MLXIP: variants seen among roughly 807,000 people sequenced by gnomAD.
MLXIP encodes the protein MLX-interacting protein.
MLXIP carries 30 observed loss-of-function variants against 87.2 expected under a neutral mutation model. The ratio of observed to expected loss-of-function variants is 0.34; its 90% confidence interval spans 0.26 to 0.47. MLXIP has a LOEUF of 0.47. MLXIP is among the 20% of genes least tolerant of loss of function. The probability of loss-of-function intolerance (pLI) is 1.00; values close to 1 mark genes in which losing one functional copy is unlikely to be tolerated. For synonymous variants in MLXIP, 530 were observed against 514.0 expected (o/e 1.03, Z -0.42); for missense variants, 1,002 against 1,240.1 (o/e 0.81, Z 2.88).
At chr12:122,119,328 G>A (rs1173189397) in intron 1 of MLXIP, among the ~76,000 whole-genome samples, 3 of 152,112 alleles carry the variant, frequency 2.0e-5, no homozygotes, top group Non-Finnish European at 4.4e-5. Context: ...TTACCACATA[G>A]AAATGTGTTA....
intron 1 of MLXIP, among the ~76,000 whole-genome samples, chr12:122,119,398 T>C (rs1037087124): frequency 6.7e-6 from 1 of 150,244 alleles, no homozygotes; most frequent in African/African-American, 2.5e-5. Context: ...TTGTTTTGTT[T>C]TGTTTTGTTT....
rs199709826 is a variant in MLXIP, at chr12:122,133,735, C to G, written c.1480C>G (p.His494Asp). Residue 494 changes from histidine (H) to aspartate (D), a missense_variant, in exon 9 of 17, where the codon CAC becomes GAC. His to Asp is a moderately conservative substitution (Grantham distance 81, BLOSUM62 -1). Coordinates refer to ENST00000319080, the MANE Select transcript of MLXIP (RefSeq NM_014938.6). This position sits in a 1 kb window ranked among gnomAD's most constrained non-coding sequence, Gnocchi z 4.9. ...ITHTASATLTHDAPATTFSQS... is the reference protein window; with the variant it reads ...ITHTASATLTDDAPATTFSQS... ...CCACACGGCCTCTGCCACCCTCACC[C>G]ACGATGCCCCCGCCACCACCTTTAG... 4.4e-5 allele frequency: 71 copies of G among 1,613,614 alleles called. No individual in the cohort carries two copies. The African/African-American group carries it at 9.2e-4, about 21-fold the overall frequency.
chr12:122,101,584 C>CTTTTTTTTTTTTT (rs371090324), intron 1 of MLXIP, among the ~76,000 whole-genome samples: 1 of 118,996 alleles, frequency 8.4e-6, no homozygotes, highest in African/African-American at 3.2e-5. Context: ...CTTTTTTTTT[C>CTTTTTTTTTTTTT]TTTTTTTTTT....
At chr12:122,117,483 A>G (rs1309509809) in intron 1 of MLXIP, among the ~76,000 whole-genome samples, 1 of 152,236 alleles carries the variant, frequency 6.6e-6, no homozygotes, top group African/African-American at 2.4e-5. Context: ...CTTTTGAAGC[A>G]AGTGAATTGG....
In MLXIP at chr12:122,137,945, G is replaced by A. The variant is rs1429003076; in HGVS notation, c.2155-249G>A. Among the ~76,000 whole-genome samples the A allele has an allele frequency of 6.6e-6, 1 of 152,216 alleles. No individual in the cohort carries two copies. The highest frequency in any genetic ancestry group is 1.5e-5 in the Non-Finnish European group (1 of 68,028). ...GGGGAAGGCGGAGCTTGCAGCACCTGGGATGCACCGGTTCAGCCCTGCCGT... is the reference window on the plus strand; with the variant it reads ...GGGGAAGGCGGAGCTTGCAGCACCTAGGATGCACCGGTTCAGCCCTGCCGT... On this transcript the variant is annotated intron_variant, in intron 12 of 16. Coordinates refer to ENST00000319080, the MANE Select transcript of MLXIP (RefSeq NM_014938.6). This position sits in a 1 kb window ranked among gnomAD's most constrained non-coding sequence, Gnocchi z 4.1.
rs372002063 is a variant in MLXIP, at chr12:122,135,327, G to T, written c.1836G>T (p.Ala612=). 3.5e-5 allele frequency: 56 copies of T among 1,613,444 alleles called. No homozygotes were observed. The highest frequency in any genetic ancestry group is 2.9e-4 in the African/African-American group (22 of 75,056). The change falls in exon 10 of 17, where the codon GCG becomes GCT. Residue 612 remains alanine (A), a synonymous_variant. Transcript: ENST00000319080. This position sits in a 1 kb window ranked among gnomAD's most constrained non-coding sequence, Gnocchi z 5.3. ...STVSQSNVVI[A]PAAIARAPGV... ...TGTCCCAGTCCAACGTGGTCATTGCGCCTGCTGCCATCGCCAGGGTGAGGA... is the reference window on the plus strand; with the variant it reads ...TGTCCCAGTCCAACGTGGTCATTGCTCCTGCTGCCATCGCCAGGGTGAGGA...
At chr12:122,096,876 C>G (rs1952360340) in intron 1 of MLXIP, among the ~76,000 whole-genome samples, 1 of 152,228 alleles carries the variant, frequency 6.6e-6, no homozygotes. Flanking sequence ...GTCCCCCCAG[C>G]TGGCGTGAGC....
At chr12:122,118,567 G>A (rs1289064566) in intron 1 of MLXIP, among the ~76,000 whole-genome samples, 1 of 152,158 alleles carries the variant, frequency 6.6e-6, no homozygotes, top group African/African-American at 2.4e-5. Flanking sequence ...GCCATACCAG[G>A]CCGGGCGCAG....
chr12:122,111,362 G>A (rs1204290171), intron 1 of MLXIP, among the ~76,000 whole-genome samples: 1 of 152,164 alleles, frequency 6.6e-6, no homozygotes, highest in Non-Finnish European at 1.5e-5. Context: ...AGAGAATGCT[G>A]TTCCTTGATT....
chr12:122,105,276 A>T (rs1410188835), intron 1 of MLXIP, among the ~76,000 whole-genome samples: 1 of 151,258 alleles, frequency 6.6e-6, no homozygotes, highest in Non-Finnish European at 1.5e-5. Flanking sequence ...TTTTTTCCTA[A>T]TGCCTCTCTC....
intron 1 of MLXIP, among the ~76,000 whole-genome samples, chr12:122,113,859 G>GTATTT (rs1184166113): frequency 6.6e-6 from 1 of 150,780 alleles, no homozygotes; most frequent in Non-Finnish European, 1.5e-5. Flanking sequence ...TAACTTTTTT[G>GTATTT]TATTTTTAGT....
intron 1 of MLXIP, among the ~76,000 whole-genome samples, chr12:122,097,922 T>C (rs1952380461): frequency 6.6e-6 from 1 of 152,022 alleles, no homozygotes; most frequent in Admixed American, 6.6e-5. Context: ...AGCTCAGCTC[T>C]GGCCTGGCCT....
Position 122,141,908 on chromosome 12 carries a change from C to G in MLXIP, c.*96C>G. The G allele has an allele frequency of 6.5e-7, 1 of 1,535,288 alleles. No individual in the cohort carries two copies. The highest frequency in any genetic ancestry group is 1.4e-5 in the African/African-American group (1 of 73,688). On this transcript the variant is annotated 3_prime_UTR_variant, in exon 17 of 17. Coordinates refer to ENST00000319080, the MANE Select transcript of MLXIP (RefSeq NM_014938.6). Reference sequence around the variant, plus strand: ...CCCCCAGCCCTTCCTGACGCTCAGCCTCGGGGCCTCTCTCCAACTCTGCCG... The same window carrying G: ...CCCCCAGCCCTTCCTGACGCTCAGCGTCGGGGCCTCTCTCCAACTCTGCCG...
chr12:122,112,141 A>G (rs1222785738), intron 1 of MLXIP, among the ~76,000 whole-genome samples: 1 of 152,196 alleles, frequency 6.6e-6, no homozygotes, highest in Non-Finnish European at 1.5e-5. Flanking sequence ...AGGATTGGAC[A>G]CAGGTCAGTG....
intron 5 of MLXIP, 153 bp downstream of exon 5, chr12:122,129,782 T>G: frequency 7.8e-7 from 1 of 1,284,252 alleles, no homozygotes; most frequent in Non-Finnish European, 1.1e-6. Context: ...CTCTCTCTCC[T>G]GGGTGGGCTG....
At chr12:122,110,594 C>T (rs987684944) in intron 1 of MLXIP, among the ~76,000 whole-genome samples, 2 of 151,556 alleles carry the variant, frequency 1.3e-5, no homozygotes, top group Non-Finnish European at 2.9e-5. Flanking sequence ...GCCTGGGAGA[C>T]GCTTATCTTT....
chr12:122,133,974 C>T lies in MLXIP; in HGVS notation c.1719C>T (p.Ala573=). The T allele has an allele frequency of 6.3e-7, 1 of 1,599,192 alleles. No homozygotes were observed. The highest frequency in any genetic ancestry group is 8.5e-7 in the Non-Finnish European group (1 of 1,172,008). The change falls in exon 9 of 17, where the codon GCC becomes GCT. Residue 573 remains alanine, a synonymous_variant. Coordinates refer to ENST00000319080, the MANE Select transcript of MLXIP (RefSeq NM_014938.6). This position sits in a 1 kb window ranked among gnomAD's most constrained non-coding sequence, Gnocchi z 4.9. ...PEPVSLVLKN[A]RIAPAAFSGQ... ...CCGTGTCCTTGGTGTTGAAGAATGCCCGTATCGCCCCAGGTGAGCCAGGCG... is the reference window on the plus strand; with the variant it reads ...CCGTGTCCTTGGTGTTGAAGAATGCTCGTATCGCCCCAGGTGAGCCAGGCG...
At chr12:122,139,559 G>T (rs1448727804) in intron 15 of MLXIP, among the ~76,000 whole-genome samples, 1 of 152,258 alleles carries the variant, frequency 6.6e-6, no homozygotes, top group East Asian at 1.9e-4. Flanking sequence ...ATTGGGGCAA[G>T]GGTCTGACAG....
rs372630140 is a variant in MLXIP at position 122,113,870 on chromosome 12, A to G, written c.414-13386A>G. On this transcript the variant is annotated intron_variant, in intron 1 of 16. Coordinates refer to ENST00000319080, the MANE Select transcript of MLXIP (RefSeq NM_014938.6). ...TGGCTAACTTTTTTGTATTTTTAGT[A>G]GAGACGGAGTTTCACTGTGTTAGCC... 7.9e-5 allele frequency among the ~76,000 whole-genome samples: 12 copies of G among 151,410 alleles called. No individual in the cohort carries two copies. The East Asian group carries it at 9.7e-4, about 12-fold the overall frequency.
Sources: allele counts gnomAD v4.1 joint callset (sites outside exome capture counted in the v4.1 genomes callset), GRCh38; gene constraint gnomAD v4.1.1; non-coding constraint Gnocchi (gnomAD v3.1); transcripts MANE v1.5; gene names NCBI Gene and HGNC (gene_info 2026-07-23, HGNC 2026-07-21).